ANXA13: variants seen among roughly 807,000 people sequenced by gnomAD.
ANXA13 encodes the protein annexin XIII.
A neutral mutation model predicts 46.6 loss-of-function variants in ANXA13; 36 were observed. The observed-to-expected ratio is 0.77, with a 90% CI of 0.59 to 1.02. The LOEUF is 1.02. Among genes scored for constraint, ANXA13 ranks in the 50% least tolerant of loss-of-function variants. The pLI, the probability that ANXA13 is intolerant of heterozygous loss-of-function variation, is 0.00. For synonymous variants in ANXA13, 163 were observed against 152.9 expected (o/e 1.07, Z -0.49); for missense variants, 417 against 396.5 (o/e 1.05, Z -0.44).
At chr8:123,732,561 C>A (rs1302340632) in intron 1 of ANXA13, among the ~76,000 whole-genome samples, 2 of 152,156 alleles carry the variant, frequency 1.3e-5, no homozygotes, top group Non-Finnish European at 2.9e-5. Flanking sequence ...TGGCTCCAGA[C>A]TCCCGCGGCT....
chr8:123,734,347 T>C (rs771750441), intron 1 of ANXA13, among the ~76,000 whole-genome samples: 54 of 152,196 alleles, frequency 3.5e-4, no homozygotes, highest in Non-Finnish European at 7.2e-4. Flanking sequence ...ATTTTTCCAC[T>C]GATCTGATCT....
chr8:123,731,814 G>T (rs1372097514), intron 1 of ANXA13, among the ~76,000 whole-genome samples: 1 of 152,144 alleles, frequency 6.6e-6, no homozygotes, highest in Non-Finnish European at 1.5e-5. Context: ...GGCTGAGGCT[G>T]CAGTGAGCAG....
At chr8:123,702,151 C>T (rs1813457240) in intron 3 of ANXA13, among the ~76,000 whole-genome samples, 1 of 151,998 alleles carries the variant, frequency 6.6e-6, no homozygotes, top group Non-Finnish European at 1.5e-5. Context: ...CTAATGCATA[C>T]TTGAAGACTT....
chr8:123,726,450 G>A (rs1484562145), intron 1 of ANXA13, among the ~76,000 whole-genome samples: 1 of 152,202 alleles, frequency 6.6e-6, no homozygotes, highest in Non-Finnish European at 1.5e-5. Flanking sequence ...AAACAATGTG[G>A]GCATCCTGCC....
chr8:123,711,188 CTT>C (rs1813650966), intron 2 of ANXA13, among the ~76,000 whole-genome samples: 2 of 152,210 alleles, frequency 1.3e-5, no homozygotes, highest in Non-Finnish European at 2.9e-5. Context: ...AAACCCTTCT[CTT>C]TAGCAGACAA....
intron 10 of ANXA13, among the ~76,000 whole-genome samples, chr8:123,684,214 G>C (rs141641676): frequency 6.6e-6 from 1 of 152,304 alleles, no homozygotes; most frequent in African/African-American, 2.4e-5. Flanking sequence ...GTTCAGTTAA[G>C]GAAAGGCCTC....
chr8:123,685,889 C>T (rs944347037), intron 9 of ANXA13, among the ~76,000 whole-genome samples: 4 of 152,202 alleles, frequency 2.6e-5, no homozygotes, highest in African/African-American at 9.6e-5. Context: ...TCAAGACTTA[C>T]TGTGATCCCC....
At position 123,723,981 on chromosome 8, in the gene ANXA13, T is replaced by G. The variant is rs1269991003; in HGVS notation, c.16-11228A>C. Among the ~76,000 whole-genome samples the G allele has an allele frequency of 2.6e-5, 4 of 152,196 alleles. No homozygotes were observed. The East Asian group carries it at 7.7e-4, about 29-fold the overall frequency. ...ATGCCTTTTCTTTGCGTCCTGGTCT[T>G]GCTCCCAGTTTGTATTAATGTCAGA... On this transcript the variant is annotated intron_variant, in intron 1 of 10. Coordinates refer to ENST00000419625, the MANE Select transcript of ANXA13 (RefSeq NM_004306.4).
chr8:123,723,117 G>C (rs755292685), intron 1 of ANXA13, among the ~76,000 whole-genome samples: 1 of 152,168 alleles, frequency 6.6e-6, no homozygotes, highest in Non-Finnish European at 1.5e-5. Flanking sequence ...ACTTCTCCCT[G>C]CTTGACAGAA....
rs532448429 is a variant in ANXA13, at chr8:123,698,320, C to T, written c.357+69G>A. 2.6e-6 allele frequency: 4 copies of T among 1,540,274 alleles called. No homozygotes were observed. In the East Asian group the frequency reaches 9.0e-5, roughly 35 times the overall value. ...GGATAGAATGCTGGGAAGTAGGGTC[C>T]CTTCTGGGGGGCTGCAACCATCTCT... On this transcript the variant is annotated intron_variant, in intron 4 of 10. Transcript: ENST00000419625.
chr8:123,718,714 G>A (rs1433374782), intron 1 of ANXA13, among the ~76,000 whole-genome samples: 4 of 152,138 alleles, frequency 2.6e-5, no homozygotes, highest in Non-Finnish European at 4.4e-5. Context: ...TCTAAAACAA[G>A]GACATGAATG....
At chr8:123,718,081 A>G (rs945375861) in intron 1 of ANXA13, among the ~76,000 whole-genome samples, 5 of 152,174 alleles carry the variant, frequency 3.3e-5, no homozygotes, top group African/African-American at 7.2e-5. Flanking sequence ...CTTTTTTCGG[A>G]TCTCACTTAG....
rs35546652 is a variant in ANXA13 at position 123,683,424 on chromosome 8, C to CTTT, written c.831+1183_831+1185dup. On this transcript the variant is annotated intron_variant, in intron 10 of 10. Transcript: ENST00000419625. ...CTTCACCTCCCCCTTCATTTAACCA[C>CTTT]TTTTTTTTTTTTTTTTTGAGGGAAG... Among the ~76,000 whole-genome samples, 604 of 114,476 alleles carry CTTT rather than the reference C, an allele frequency of 5.3e-3. 33 individuals are homozygous for CTTT. Among genetic ancestry groups the CTTT allele is most frequent in the African/African-American group, 0.018 (528 of 28,958 alleles). 75.1% of individuals were successfully genotyped at this position (114,476 alleles called of 152,430 possible). A position where few individuals can be genotyped will look rare whatever the true frequency, so the allele number is the denominator to read the frequency against.
At chr8:123,687,327 A>T (rs1813158618) in intron 9 of ANXA13, among the ~76,000 whole-genome samples, 1 of 152,242 alleles carries the variant, frequency 6.6e-6, no homozygotes, top group African/African-American at 2.4e-5. Flanking sequence ...GACTCTTCTT[A>T]ATTATGCCTA....
At chr8:123,716,243 G>A (rs558930238) in intron 1 of ANXA13, among the ~76,000 whole-genome samples, 19 of 152,124 alleles carry the variant, frequency 1.2e-4, no homozygotes, top group African/African-American at 3.9e-4. Flanking sequence ...GTGCCACCAC[G>A]CCTGGCTAAT....
rs1359604964 is a variant in ANXA13, at chr8:123,702,734, T to C, written c.94A>G (p.Thr32Ala). 3 of 1,612,570 alleles carry C rather than the reference T, an allele frequency of 1.9e-6. No individual in the cohort carries two copies. In the South Asian group the frequency reaches 3.3e-5, roughly 18 times the overall value. Residue 32 changes from threonine to alanine, a missense_variant and splice_region_variant, in exon 3 of 11, where the codon ACC (threonine) becomes GCC (alanine). Thr to Ala is a moderately conservative substitution (Grantham distance 58). Coordinates refer to ENST00000419625, the MANE Select transcript of ANXA13 (RefSeq NM_004306.4). ...ATTTCAATGATGGCTGCTTCATTGG[T>C]CCCTAAAATACAGGAGAAACAAACA... ...KLNKACKGMG[T>A]NEAAIIEILS... is the part of the protein sequence containing the mutation.
intron 1 of ANXA13, among the ~76,000 whole-genome samples, chr8:123,718,456 C>A (rs544888412): frequency 6.6e-6 from 1 of 152,174 alleles, no homozygotes; most frequent in Non-Finnish European, 1.5e-5. Flanking sequence ...TCTCATTTGA[C>A]GAGTGTGAAA....
At position 123,693,248 on chromosome 8, in the gene ANXA13, C is replaced by A; in HGVS notation, c.591G>T (p.Leu197=). 6.2e-7 allele frequency: 1 copy of A among 1,614,108 alleles called. No individual in the cohort carries two copies. The highest frequency in any genetic ancestry group is 8.5e-7 in the Non-Finnish European group (1 of 1,180,014). ...GTAACTGCTTGTAGCTCCTCTTGGC[C>A]AGGACTTCATTGAACGCAAGCTCAT... is the stretch of plus-strand genomic sequence containing the variant. ...GTDELAFNEV[L]AKRSYKQLRA... The change falls in exon 8 of 11, where the codon CTG becomes CTT. Residue 197 remains leucine, a synonymous_variant. Transcript: ENST00000419625.
At chr8:123,683,397 C>T (rs1375652441) in intron 10 of ANXA13, among the ~76,000 whole-genome samples, 1 of 150,074 alleles carries the variant, frequency 6.7e-6, no homozygotes, top group Non-Finnish European at 1.5e-5. Flanking sequence ...GTGTCCCTCC[C>T]CCTTCACCTC....
Sources: gnomAD v4.1 joint callset for allele counts (sites outside exome capture counted in the v4.1 genomes callset) on GRCh38, gnomAD v4.1.1 for gene constraint, MANE v1.5 for transcripts, NCBI Gene and HGNC (gene_info 2026-07-23, HGNC 2026-07-21) for gene names.